Variants in TNRC6B observed in about 807,000 individuals in gnomAD.
TNRC6B encodes trinucleotide repeat-containing gene 6B protein.
Under a neutral mutation model 203.6 loss-of-function variants are expected in TNRC6B, and 52 were observed. The observed-to-expected ratio is 0.26, with a 90% CI of 0.20 to 0.32. The LOEUF (loss-of-function observed/expected upper bound fraction) is 0.32, where lower values mean the gene tolerates loss of function less well. Ranked by LOEUF, TNRC6B falls within the 10% of genes least tolerant of loss-of-function variation. TNRC6B has a pLI of 1.00. For missense variants in TNRC6B, 1,923 were observed against 2,286.2 expected (o/e 0.84, Z 3.24); for synonymous variants, 838 against 845.7 (o/e 0.99, Z 0.16).
At chr22:40,306,182 G>T (rs1282070794) in intron 15 of TNRC6B, among the ~76,000 whole-genome samples, 1 of 152,080 alleles carries the variant, frequency 6.6e-6, no homozygotes, top group Non-Finnish European at 1.5e-5. Flanking sequence ...AGTCCCAGCT[G>T]CTCGGGAGGC....
chr22:40,047,942 T>C (rs1023957635), intron 1 of TNRC6B, among the ~76,000 whole-genome samples: 22 of 131,348 alleles, frequency 1.7e-4, no homozygotes, highest in African/African-American at 6.3e-4. Context: ...CGGATTCATT[T>C]TAGTCGTTGA....
chr22:40,308,497 T>C lies in TNRC6B; in HGVS notation c.4121-15T>C. 1 of 1,613,830 alleles carries C rather than the reference T, an allele frequency of 6.2e-7. No individual in the cohort carries two copies. The highest frequency in any genetic ancestry group is 8.5e-7 in the Non-Finnish European group (1 of 1,179,778). On this transcript the variant is annotated splice_polypyrimidine_tract_variant and intron_variant, in intron 15 of 22. Coordinates refer to ENST00000454349, the MANE Select transcript of TNRC6B (RefSeq NM_001162501.2). ...GATGCTGGAGACTTATAAAATGTGG[T>C]CTTCTCCTTTTTAGGCTTCAGCTCT...
At chr22:40,300,680 T>C (rs2071011374) in intron 13 of TNRC6B, 94 bp downstream of exon 13, 2 of 1,476,444 alleles carry the variant, frequency 1.4e-6, no homozygotes, top group South Asian at 2.7e-5. Flanking sequence ...TGCCACTTTC[T>C]ATGTTCAAAG....
intron 1 of TNRC6B, among the ~76,000 whole-genome samples, chr22:40,084,829 G>A (rs1378355430): frequency 6.6e-5 from 10 of 152,172 alleles, no homozygotes; most frequent in Non-Finnish European, 1.0e-4. Flanking sequence ...TGAAAGTCAT[G>A]CTCAGGAGTT....
At chr22:40,125,408 G>A (rs2068481760) in intron 2 of TNRC6B, among the ~76,000 whole-genome samples, 1 of 152,198 alleles carries the variant, frequency 6.6e-6, no homozygotes, top group South Asian at 2.1e-4. Flanking sequence ...AACAACAGGT[G>A]CGCCGCTTTG....
intron 1 of TNRC6B, among the ~76,000 whole-genome samples, chr22:40,116,792 T>C (rs1462976029): frequency 6.6e-6 from 1 of 152,222 alleles, no homozygotes; most frequent in Non-Finnish European, 1.5e-5. Context: ...CTTGCCTTTA[T>C]TGAGCATGTG....
chr22:40,182,686 A>G lies in TNRC6B; in HGVS notation c.5+4546A>G, dbSNP rs866479486. ...TACTTGCCATCTGGTGACTAACTAT[A>G]TAACTTACTGCTTTAGGTTATGACT... On this transcript the variant is annotated intron_variant, in intron 1 of 22. Transcript: ENST00000454349. 2.2e-4 allele frequency among the ~76,000 whole-genome samples: 34 copies of G among 152,364 alleles called. 1 individual carries two copies. The South Asian group carries it at 6.8e-3, about 31-fold the overall frequency.
At position 40,285,695 on chromosome 22, in the gene TNRC6B, G is replaced by A. The variant is rs2070770828; in HGVS notation, c.3633G>A (p.Leu1211=). The change falls in exon 12 of 23, where the codon CTG becomes CTA. Residue 1211 remains leucine (L), a synonymous_variant. Transcript: ENST00000454349. ...FGNSTAQSRG[L]HTPVQPLNSS... Reference sequence around the variant, plus strand: ...ACAGCACAGCACAATCGAGAGGTCTGCACACACCCGTGCAGCCACTAAATT... The same window carrying A: ...ACAGCACAGCACAATCGAGAGGTCTACACACACCCGTGCAGCCACTAAATT... The A allele has an allele frequency of 6.2e-7, 1 of 1,613,960 alleles. No homozygotes were observed. Among genetic ancestry groups the A allele is most frequent in the African/African-American group, 1.3e-5 (1 of 75,048 alleles).
chr22:40,321,049 C>G, intron 21 of TNRC6B, 41 bp from the exon 22 acceptor site: 1 of 1,607,798 alleles, frequency 6.2e-7, no homozygotes, highest in African/African-American at 1.3e-5. Flanking sequence ...CTTTTCCACC[C>G]CACCTCCAGT....
chr22:40,173,793 ATTTTTTT>A (rs1160322782), upstream of TNRC6B, among the ~76,000 whole-genome samples: 28 of 64,866 alleles, frequency 4.3e-4, no homozygotes, highest in Admixed American at 1.6e-3. Flanking sequence ...ATATATATAT[ATTTTTTT>A]TTTTTTTTTT....
chr22:40,205,248 G>A (rs1021074383), intron 1 of TNRC6B, among the ~76,000 whole-genome samples: 1 of 152,088 alleles, frequency 6.6e-6, no homozygotes, highest in African/African-American at 2.4e-5. Context: ...AATATTTGTA[G>A]CATTGTAGTA....
intron 1 of TNRC6B, among the ~76,000 whole-genome samples, chr22:40,192,809 G>C (rs1185001122): frequency 6.6e-6 from 1 of 152,194 alleles, no homozygotes; most frequent in Admixed American, 6.5e-5. Flanking sequence ...AGCAGGGGTA[G>C]AAGGCAATGT....
At chr22:40,157,304 A>T (rs1335933625) in intron 4 of TNRC6B, among the ~76,000 whole-genome samples, 1 of 77,314 alleles carries the variant, frequency 1.3e-5, no homozygotes, top group Admixed American at 1.1e-4. Flanking sequence ...TGGGCCAGTG[A>T]TTATGGAATT....
chr22:40,141,072 A>G (rs572019063), intron 3 of TNRC6B, among the ~76,000 whole-genome samples: 1 of 152,258 alleles, frequency 6.6e-6, no homozygotes, highest in East Asian at 1.9e-4. Flanking sequence ...TTAACCATCA[A>G]CAAGATTTAA....
intron 3 of TNRC6B, among the ~76,000 whole-genome samples, chr22:40,257,490 G>A (rs1047405110): frequency 5.9e-5 from 9 of 152,260 alleles, no homozygotes; most frequent in Non-Finnish European, 1.2e-4. Context: ...GCTGAGGCAG[G>A]TGGATCACCT....
intron 7 of TNRC6B, among the ~76,000 whole-genome samples, chr22:40,275,980 A>C (rs963810932): frequency 1.8e-4 from 27 of 150,470 alleles, no homozygotes; most frequent in African/African-American, 5.9e-4. Context: ...ACCGCCCCCC[A>C]CACACACACC....
At chr22:40,065,041 GT>G (rs144106145) in intron 1 of TNRC6B, among the ~76,000 whole-genome samples, 3,098 of 149,568 alleles carry the variant, frequency 0.021, 104 homozygotes, top group African/African-American at 0.072. Flanking sequence ...GTTTTTTCTT[GT>G]GTCTTTTTCT....
At chr22:40,213,343 C>T (rs2069590114) in intron 1 of TNRC6B, among the ~76,000 whole-genome samples, 1 of 152,072 alleles carries the variant, frequency 6.6e-6, no homozygotes, top group Non-Finnish European at 1.5e-5. Flanking sequence ...GGAGGCGGCA[C>T]CCTCAGTCTG....
At chr22:40,082,088 C>T (rs2068068003) in intron 1 of TNRC6B, among the ~76,000 whole-genome samples, 1 of 151,918 alleles carries the variant, frequency 6.6e-6, no homozygotes, top group Non-Finnish European at 1.5e-5. Context: ...TACAGTAGAG[C>T]CGGGGAAGTA....
Sources: gnomAD v4.1 joint callset for allele counts (sites outside exome capture counted in the v4.1 genomes callset) on GRCh38, gnomAD v4.1.1 for gene constraint, MANE v1.5 for transcripts, NCBI Gene and HGNC (gene_info 2026-07-23, HGNC 2026-07-21) for gene names.